The following AGAP3 variants were observed in gnomAD, a reference collection of about 807,000 sequenced individuals.
AGAP3 encodes arf-GAP with GTPase, ANK repeat and PH domain-containing protein 3.
In AGAP3, 24 loss-of-function variants were observed where a neutral mutation model predicts 96.9. The observed-to-expected ratio is 0.25, with a 90% CI of 0.18 to 0.35. The LOEUF is 0.35. AGAP3 is among the 10% of genes least tolerant of loss of function. The pLI is 1.00. For synonymous variants in AGAP3, 563 were observed against 536.1 expected, an observed-to-expected ratio of 1.05 and a Z score of -0.69; for missense variants, 876 against 1,254.2, an observed-to-expected ratio of 0.70 and a Z score of 4.55.
intron 8 of AGAP3, chr7:151,120,801 A>C: frequency 1.7e-6 from 2 of 1,171,184 alleles, no homozygotes; most frequent in Non-Finnish European, 2.1e-6. Flanking sequence ...CTCACACCCC[A>C]CACCTGGGGG....
At chr7:151,122,951 G>A (rs1799979963) in intron 8 of AGAP3, 1 of 1,439,448 alleles carries the variant, frequency 6.9e-7, no homozygotes, top group South Asian at 1.5e-5. Context: ...GGGAAGGCTA[G>A]GAGCGCCGGA....
At chr7:151,122,219 G>A (rs964379464) in intron 8 of AGAP3, among the ~76,000 whole-genome samples, 1 of 152,224 alleles carries the variant, frequency 6.6e-6, no homozygotes, top group Non-Finnish European at 1.5e-5. Flanking sequence ...GAGGGCTGTG[G>A]CGGTCTGGGC....
chr7:151,138,767 A>G (rs1234930317), intron 12 of AGAP3, among the ~76,000 whole-genome samples: 2 of 152,128 alleles, frequency 1.3e-5, no homozygotes, highest in Non-Finnish European at 2.9e-5. Context: ...GCTCTAAGCC[A>G]TGTGAGCCAC....
chr7:151,143,715 C>T lies in AGAP3; in HGVS notation c.2530-22C>T, dbSNP rs1442256539. ...TCTCCTCCCATGTCTTGCCAACTGTCAACATGTGTTTTCTCCTACAGTACG... is the reference window on the plus strand; with the variant it reads ...TCTCCTCCCATGTCTTGCCAACTGTTAACATGTGTTTTCTCCTACAGTACG... On this transcript the variant is annotated intron_variant, in intron 17 of 17. Coordinates refer to ENST00000397238, the MANE Select transcript of AGAP3 (RefSeq NM_031946.7). This position sits in a 1 kb window ranked among gnomAD's most constrained non-coding sequence, Gnocchi z 5.9. The T allele has an allele frequency of 1.2e-6, 2 of 1,613,794 alleles. No homozygotes were observed. Among genetic ancestry groups the T allele is most frequent in the Non-Finnish European group, 1.7e-6 (2 of 1,179,822 alleles).
chr7:151,115,017 C>T, intron 1 of AGAP3: 2 of 990,618 alleles, frequency 2.0e-6, no homozygotes, highest in Non-Finnish European at 2.4e-6. Context: ...CCTGCGCCCG[C>T]GCCTCGGCCG....
intron 1 of AGAP3, among the ~76,000 whole-genome samples, chr7:151,111,106 G>A (rs930704033): frequency 5.3e-5 from 8 of 152,198 alleles, no homozygotes; most frequent in Non-Finnish European, 1.0e-4. Context: ...GTCCTGGGGG[G>A]CGAAGGGGTC....
chr7:151,090,354 G>C (rs1351371462), intron 1 of AGAP3: 1 of 145,950 alleles, frequency 6.9e-6, no homozygotes, highest in Non-Finnish European at 1.5e-5. Flanking sequence ...ACTTACTCAG[G>C]TTTCTCCATC....
chr7:151,123,205 C>T (rs772335474), intron 8 of AGAP3: 5 of 1,083,194 alleles, frequency 4.6e-6, no homozygotes, highest in Non-Finnish European at 5.6e-6. Context: ...CCGCCGCCGC[C>T]GCCGCGCTTG....
At position 151,119,995 on chromosome 7, in the gene AGAP3, TGGC is replaced by T; in HGVS notation, c.985_987del (p.Gly329del). 1 of 1,612,814 alleles carries T rather than the reference TGGC, an allele frequency of 6.2e-7. No homozygotes were observed. Among genetic ancestry groups the T allele is most frequent in the Non-Finnish European group, 8.5e-7 (1 of 1,179,778 alleles). Reference sequence around the variant, plus strand: ...GCCCTCTTTGTCCTTAGGCCACGAATGGCGGCGGCAGCGCCTTCAGCGACTACT... The same window carrying T: ...GCCCTCTTTGTCCTTAGGCCACGAATGGCGGCAGCGCCTTCAGCGACTACT... On this transcript the variant is annotated inframe_deletion, in exon 8 of 18. Transcript: ENST00000397238.
chr7:151,096,799 G>A lies in AGAP3; in HGVS notation c.331+9727G>A, dbSNP rs1798621613. 6.7e-6 allele frequency among the ~76,000 whole-genome samples: 1 copy of A among 149,730 alleles called. No individual in the cohort carries two copies. Among genetic ancestry groups the A allele is most frequent in the Non-Finnish European group, 1.5e-5 (1 of 67,528 alleles). On this transcript the variant is annotated intron_variant, in intron 1 of 17. Transcript: ENST00000397238. The surrounding 1 kb of genome is among the most constrained non-coding windows in gnomAD (Gnocchi z 4.4). The stretch of plus-strand genomic sequence containing the variant: ...AATTTTCTTTTCTTTTCTTTAACGA[G>A]ACAGAGTCTTGCTTTGTTTCCCAGG...
Position 151,114,934 on chromosome 7 carries a change from C to A in AGAP3, c.332-1859C>A. ...CTCTGCGCCGCCAGTGAGCAGCCGGCGCGGCCGCGGAGCGTGTGCTCGGGC... is the reference window on the plus strand; with the variant it reads ...CTCTGCGCCGCCAGTGAGCAGCCGGAGCGGCCGCGGAGCGTGTGCTCGGGC... On this transcript the variant is annotated intron_variant, in intron 1 of 17. Transcript: ENST00000397238. The surrounding 1 kb of genome is among the most constrained non-coding windows in gnomAD (Gnocchi z 4.4). 1.0e-6 allele frequency: 1 copy of A among 985,918 alleles called. No homozygotes were observed. The highest frequency in any genetic ancestry group is 1.2e-6 in the Non-Finnish European group (1 of 832,346). The allele number at this position is 985,918 out of a possible 1,614,324, so 61.1% of individuals were successfully genotyped here.
chr7:151,090,380 C>CTTTT (rs66762542), intron 1 of AGAP3: 2 of 86,394 alleles, frequency 2.3e-5, no homozygotes, highest in Non-Finnish European at 4.4e-5. Flanking sequence ...CCCACTAGGG[C>CTTTT]TTTTTTTTTT....
At chr7:151,113,303 C>T (rs1799380110) in intron 1 of AGAP3, among the ~76,000 whole-genome samples, 2 of 152,326 alleles carry the variant, frequency 1.3e-5, no homozygotes, top group Admixed American at 6.5e-5. Context: ...GCATCCCATA[C>T]AGGAAGAAGC....
rs201938549 is a variant in AGAP3, at chr7:151,143,763, C to T, written c.2556C>T (p.Asp852=). The T allele has an allele frequency of 2.4e-5, 38 of 1,614,180 alleles. No individual in the cohort carries two copies. In the East Asian group the frequency reaches 2.5e-4, roughly 10 times the overall value. The change falls in exon 18 of 18, where the codon GAC becomes GAT. Residue 852 remains aspartate (D), a synonymous_variant. Transcript: ENST00000397238. The surrounding 1 kb of genome is among the most constrained non-coding windows in gnomAD (Gnocchi z 5.9). ...IWYGVDVRSR[D]ARGLTPLAYA... Reference sequence around the variant, plus strand: ...ACGGGGTGGACGTGAGGAGCCGGGACGCCCGGGGCCTGACTCCACTGGCAT... The same window carrying T: ...ACGGGGTGGACGTGAGGAGCCGGGATGCCCGGGGCCTGACTCCACTGGCAT...
intron 1 of AGAP3, among the ~76,000 whole-genome samples, chr7:151,112,806 T>TG: frequency 6.6e-6 from 1 of 152,232 alleles, no homozygotes; most frequent in South Asian, 2.1e-4. Flanking sequence ...TTCACCATGT[T>TG]GCCCAGGCTG....
rs1170280577 is a variant in AGAP3, at chr7:151,086,487, G to T, written c.-255G>T. On this transcript the variant is annotated 5_prime_UTR_variant, in exon 1 of 18. Coordinates refer to ENST00000397238, the MANE Select transcript of AGAP3 (RefSeq NM_031946.7). ...TCCCGGTCCCGTTGTTGTTGCCGCT[G>T]GAGGCTGCTCCGAGGCAGCGGGATC... is the stretch of plus-strand genomic sequence containing the variant. Among the ~76,000 whole-genome samples, 2 of 147,818 alleles carry T rather than the reference G, an allele frequency of 1.4e-5. No homozygotes were observed. Among genetic ancestry groups the T allele is most frequent in the Admixed American group, 6.7e-5 (1 of 14,884 alleles).
chr7:151,114,667 G>A lies in AGAP3; in HGVS notation c.332-2126G>A. ...TGAGGGACTCGGTCGGCCCACACCA[G>A]GTGCCCAGAGGCCGGAGGTCCGTGC... On this transcript the variant is annotated intron_variant, in intron 1 of 17. Coordinates refer to ENST00000397238, the MANE Select transcript of AGAP3 (RefSeq NM_031946.7). The surrounding 1 kb of genome is among the most constrained non-coding windows in gnomAD (Gnocchi z 4.4). The A allele has an allele frequency of 1.4e-5, 14 of 976,566 alleles. No homozygotes were observed. The highest frequency in any genetic ancestry group is 1.7e-5 in the Non-Finnish European group (14 of 820,638). The allele number at this position is 976,566 out of a possible 1,614,324, so 60.5% of individuals were successfully genotyped here.
chr7:151,091,917 A>G (rs1395644024), intron 1 of AGAP3, among the ~76,000 whole-genome samples: 1 of 151,524 alleles, frequency 6.6e-6, no homozygotes, highest in Non-Finnish European at 1.5e-5. Context: ...AGGAAACAGG[A>G]TGATGAAGAT....
At chr7:151,106,899 C>A (rs1306951195) in intron 1 of AGAP3, among the ~76,000 whole-genome samples, 11 of 152,226 alleles carry the variant, frequency 7.2e-5, no homozygotes, top group African/African-American at 2.7e-4. Context: ...CCTCACAGTG[C>A]AGCACCTTCG....
Sources: gnomAD v4.1 joint callset for allele counts (sites outside exome capture counted in the v4.1 genomes callset) on GRCh38, gnomAD v4.1.1 for gene constraint, Gnocchi (gnomAD v3.1) non-coding constraint, MANE v1.5 for transcripts, NCBI Gene and HGNC (gene_info 2026-07-23, HGNC 2026-07-21) for gene names.